The following OCRL variants were observed in gnomAD, a reference collection of about 807,000 sequenced individuals.
OCRL encodes OCRL inositol polyphosphate-5-phosphatase, also known as inositol polyphosphate 5-phosphatase OCRL.
OCRL carries 8 observed loss-of-function variants against 78.9 expected under a neutral mutation model. The observed-to-expected ratio is 0.10, with a 90% CI of 0.06 to 0.18. The LOEUF is 0.18. Ranked by LOEUF, OCRL falls within the 10% of genes least tolerant of loss-of-function variation. OCRL has a pLI of 1.00. For synonymous variants in OCRL, 240 were observed against 235.4 expected (o/e 1.02, Z -0.18); for missense variants, 454 against 696.7 (o/e 0.65, Z 3.92).
At chrX:129,565,374 A>C (rs1367191730) in intron 12 of OCRL, among the ~76,000 whole-genome samples, 3 of 111,651 alleles carry the variant, frequency 2.7e-5, no homozygotes, top group Non-Finnish European at 5.7e-5. Flanking sequence ...TCAGTGGAGA[A>C]CCTGCAGGAC....
intron 18 of OCRL, among the ~76,000 whole-genome samples, chrX:129,581,757 A>C (rs1406069553): frequency 1.0e-5 from 1 of 99,678 alleles, no homozygotes; most frequent in African/African-American, 3.7e-5. Flanking sequence ...GTGTGTATAA[A>C]ATTTTCCATT....
At chrX:129,545,185 T>C in intron 3 of OCRL, 148 bp downstream of exon 3, 1 of 459,203 alleles carries the variant, frequency 2.2e-6, no homozygotes, top group Non-Finnish European at 3.8e-6. Flanking sequence ...GAGGAGATGA[T>C]ACTTTCTCTA....
In OCRL at chrX:129,557,330, T is replaced by C. The variant is rs746670044; in HGVS notation, c.244T>C (p.Cys82Arg). The C allele has an allele frequency of 8.3e-7, 1 of 1,210,632 alleles. No homozygotes were observed. Among genetic ancestry groups the C allele is most frequent in the East Asian group, 3.0e-5 (1 of 33,851 alleles). ...TGGATTTCAATTCTTTTTAGGTGGC[T>C]GCAAAATTCGGGTTCAGGGGGACTG... ...LLIDIASNSG[C>R]KIRVQGDWIR... Residue 82 changes from cysteine to arginine, a missense_variant, in exon 5 of 24, where the codon TGC (cysteine) becomes CGC (arginine). Transcript: ENST00000371113.
Position 129,560,598 on chromosome X carries a change from G to A in OCRL, c.771G>A (p.Gly257=). 8.3e-7 allele frequency: 1 copy of A among 1,205,868 alleles called. No individual in the cohort carries two copies. The highest frequency in any genetic ancestry group is 1.1e-6 in the Non-Finnish European group (1 of 890,392). The part of the protein sequence containing the change: ...WNVNGQSPDS[G]LEPWLNCDPN... Reference sequence around the variant, plus strand: ...TGAATGGCCAGTCTCCAGATAGCGGGTTAGAACCTTGGCTGAACTGTGATC... The same window carrying A: ...TGAATGGCCAGTCTCCAGATAGCGGATTAGAACCTTGGCTGAACTGTGATC... Residue 257 remains glycine (G), a synonymous_variant, in exon 9 of 24, where the codon GGG becomes GGA. Transcript: ENST00000371113.
chrX:129,587,170 A>G (rs773902508), intron 20 of OCRL, 52 bp downstream of exon 20: 2 of 768,846 alleles, frequency 2.6e-6, no homozygotes, highest in Admixed American at 2.2e-5. Flanking sequence ...TAACTACTAT[A>G]GGAAATCACA....
Position 129,576,390 on chromosome X carries a change from T to C in OCRL, c.1953T>C (p.Asp651=). The change falls in exon 18 of 24, where the codon GAT becomes GAC. Residue 651 remains aspartate (D), a synonymous_variant. Transcript: ENST00000371113. The part of the protein sequence containing the change: ...DSVTILNSGE[D]KIEDILVLHL... ...TAACCATCCTGAACTCGGGAGAAGA[T>C]AAGATTGAAGATATTCTCGTCCTTC... 8.3e-7 allele frequency: 1 copy of C among 1,211,437 alleles called. No individual in the cohort carries two copies.
In OCRL at chrX:129,576,308, A is replaced by C. The variant is rs1396044938; in HGVS notation, c.1880-9A>C. On this transcript the variant is annotated splice_polypyrimidine_tract_variant and intron_variant, in intron 17 of 23. Coordinates refer to ENST00000371113, the MANE Select transcript of OCRL (RefSeq NM_000276.4). ...TTCCTATTACCATGTATCATCTCTT[A>C]CATTTCAGATGAGACAGTGGACATT... 5.0e-6 allele frequency: 6 copies of C among 1,191,302 alleles called. No homozygotes were observed. The South Asian group carries it at 1.1e-4, about 21-fold the overall frequency.
Position 129,562,758 on chromosome X carries a change from C to G in OCRL, c.1216C>G (p.Leu406Val), listed in dbSNP as rs1936162291. The change falls in exon 12 of 24, where the codon CTC (leucine) becomes GTC (valine). Residue 406 changes from leucine to valine, a missense_variant. Leu to Val is a conservative substitution (Grantham distance 32). This residue lies in a region of OCRL where 277 missense variants were observed against 517.1 expected (regional missense o/e 0.54). Coordinates refer to ENST00000371113, the MANE Select transcript of OCRL (RefSeq NM_000276.4). ...RMSFVVPNQT[L>V]PQLNIMKHEV... is the part of the protein sequence containing the mutation. ...GAGTTTTGTGGTCCCAAATCAGACC[C>G]TCCCGCAGTTGAACATCATGAAACA... 1 of 1,209,543 alleles carries G rather than the reference C, an allele frequency of 8.3e-7. No homozygotes were observed. Among genetic ancestry groups the G allele is most frequent in the Non-Finnish European group, 1.1e-6 (1 of 894,964 alleles).
chrX:129,588,316 T>C, intron 21 of OCRL, 53 bp downstream of exon 21: 2 of 838,900 alleles, frequency 2.4e-6, no homozygotes. Context: ...GATCAAACTC[T>C]TCTTCGCACC....
In OCRL at chrX:129,559,020, T is replaced by C; in HGVS notation, c.722+19T>C. ...CTTTCAGGTTAGTGTCTCTTTTGCTTCCTGAGTCTAAAAAGTTAGTATATA... is the reference window on the plus strand; with the variant it reads ...CTTTCAGGTTAGTGTCTCTTTTGCTCCCTGAGTCTAAAAAGTTAGTATATA... On this transcript the variant is annotated intron_variant, in intron 8 of 23. Coordinates refer to ENST00000371113, the MANE Select transcript of OCRL (RefSeq NM_000276.4). 8.3e-7 allele frequency: 1 copy of C among 1,198,657 alleles called. No homozygotes were observed. The highest frequency in any genetic ancestry group is 1.1e-6 in the Non-Finnish European group (1 of 884,510).
rs761792348 is a variant in OCRL, at chrX:129,558,866, A to G, written c.587A>G (p.Asn196Ser). The change falls in exon 8 of 24, where the codon AAC becomes AGC. Residue 196 changes from asparagine to serine, a missense_variant. Transcript: ENST00000371113. ...CTTCCACGTGAAAAAGAAGCTTCTA[A>G]CAAGGAGCAGCCCAAAGTGACCAAC... Reference protein sequence around the residue: ...KMLPREKEASNKEQPKVTNTM... With the variant: ...KMLPREKEASSKEQPKVTNTM... The G allele has an allele frequency of 8.2e-7, 1 of 1,212,209 alleles. No individual in the cohort carries two copies. The highest frequency in any genetic ancestry group is 1.1e-6 in the Non-Finnish European group (1 of 895,563).
At chrX:129,540,529 G>T in intron 1 of OCRL, 51 bp downstream of exon 1, 1 of 1,104,060 alleles carries the variant, frequency 9.1e-7, no homozygotes, top group South Asian at 2.0e-5. Flanking sequence ...CCGGGGGTGG[G>T]GGTCGGGGGC....
Position 129,561,435 on chromosome X carries a change from C to A in OCRL, c.939+142C>A, listed in dbSNP as rs181009587. On this transcript the variant is annotated intron_variant, in intron 10 of 23. Transcript: ENST00000371113. ...TAATACTGGGATAGGGCAGATTGAT[C>A]ATTCATCCTTATTTCCTAGAAAAAA... 81 of 464,323 alleles carry A rather than the reference C, an allele frequency of 1.7e-4. No individual in the cohort carries two copies. The East Asian group carries it at 2.9e-3, about 16-fold the overall frequency. 38.3% of individuals were successfully genotyped at this position (464,323 alleles called of 1,213,427 possible).
In OCRL at chrX:129,580,779, C is replaced by T. The variant is rs1041595634; in HGVS notation, c.2116-3565C>T. On this transcript the variant is annotated intron_variant, in intron 18 of 23. Transcript: ENST00000371113. ...TACTAATCTAACCATCCATTTCTTA[C>T]TCTGTTAAGTATATGGCTTGTATTT... 2.7e-5 allele frequency among the ~76,000 whole-genome samples: 3 copies of T among 112,431 alleles called. No homozygotes were observed. The Admixed American group carries it at 2.8e-4, about 11-fold the overall frequency.
At chrX:129,551,559 C>G (rs978920271) in intron 4 of OCRL, among the ~76,000 whole-genome samples, 2 of 111,395 alleles carry the variant, frequency 1.8e-5, no homozygotes. Context: ...CTCAGCCTCC[C>G]GAGTAGCTGG....
intron 18 of OCRL, among the ~76,000 whole-genome samples, chrX:129,583,204 G>A (rs73633908): frequency 8.9e-6 from 1 of 111,894 alleles, no homozygotes; most frequent in Non-Finnish European, 1.9e-5. Context: ...GTGGAACGAA[G>A]ATTTGTACCC....
chrX:129,568,216 A>G (rs765022593), intron 14 of OCRL, among the ~76,000 whole-genome samples: 18 of 112,148 alleles, frequency 1.6e-4, no homozygotes, highest in African/African-American at 5.5e-4. Flanking sequence ...GCGCCCGGCC[A>G]GTAGACCCTT....
At position 129,540,286 on chromosome X, in the gene OCRL, A is replaced by AGCTCCCC. The variant is rs1336462563; in HGVS notation, c.-147_-141dup. On this transcript the variant is annotated 5_prime_UTR_variant, in exon 1 of 24. Transcript: ENST00000371113. ...CTCTTGGGTCAGATTCTCAGCTCCC[A>AGCTCCCC]GCTCCCCGCTCCCGGCTCCCGGCGC... The AGCTCCCC allele has an allele frequency of 1.7e-5, 10 of 596,720 alleles. No individual in the cohort carries two copies. The highest frequency in any genetic ancestry group is 2.4e-5 in the Non-Finnish European group (9 of 373,666). The allele number at this position is 596,720 out of a possible 1,213,427, so 49.2% of individuals were successfully genotyped here.
intron 4 of OCRL, among the ~76,000 whole-genome samples, chrX:129,550,523 A>C (rs1208054286): frequency 9.0e-6 from 1 of 111,372 alleles, no homozygotes. Context: ...TCTTTCAATA[A>C]AATTTTATAG....
Sources: allele counts gnomAD v4.1 joint callset (sites outside exome capture counted in the v4.1 genomes callset), GRCh38; gene constraint gnomAD v4.1.1; regional missense constraint gnomAD v4.1.1; transcripts MANE v1.5; gene names NCBI Gene and HGNC (gene_info 2026-07-23, HGNC 2026-07-21).